ZNF48: variants seen among roughly 807,000 people sequenced by gnomAD.
ZNF48 encodes the protein zinc finger protein 553.
A neutral mutation model predicts 40.0 loss-of-function variants in ZNF48; 20 were observed. The ratio of observed to expected loss-of-function variants is 0.50; its 90% CI spans 0.35 to 0.73. The LOEUF (loss-of-function observed/expected upper bound fraction) is 0.73, where lower values mean the gene tolerates loss of function less well. ZNF48 is among the 30% of genes least tolerant of loss of function. The pLI is 0.01. For missense variants in ZNF48, 726 were observed against 851.9 expected, an observed-to-expected ratio of 0.85 and a Z score of 1.84; for synonymous variants, 298 against 329.7, an observed-to-expected ratio of 0.90 and a Z score of 1.04.
At position 30,397,733 on chromosome 16, in the gene ZNF48, T is replaced by C. The variant is rs2050001357; in HGVS notation, c.483T>C (p.Thr161=). The C allele has an allele frequency of 6.2e-7, 1 of 1,609,960 alleles. No individual in the cohort carries two copies. The highest frequency in any genetic ancestry group is 8.5e-7 in the Non-Finnish European group (1 of 1,179,070). The change falls in exon 3 of 3, where the codon ACT becomes ACC. Residue 161 remains threonine (T), a synonymous_variant. Coordinates refer to ENST00000613509, the MANE Select transcript of ZNF48 (RefSeq NM_001214909.2). This position sits in a 1 kb window ranked among gnomAD's most constrained non-coding sequence, Gnocchi z 4.1. ...CTGCCCGGATCAAACACCAGCGGAC[T>C]CATAGTGGGGAGAAGCCCTATAGAG... The part of the protein sequence containing the change: ...DSSARIKHQR[T]HSGEKPYRAR...
intron 1 of ZNF48, chr16:30,378,481 G>C (rs2049783192): frequency 3.2e-6 from 5 of 1,576,646 alleles, no homozygotes; most frequent in Non-Finnish European, 3.4e-6. Flanking sequence ...TGCTGCATTT[G>C]GGCCTGCATC....
intron 1 of ZNF48, among the ~76,000 whole-genome samples, chr16:30,383,879 A>G (rs2049878750): frequency 6.6e-6 from 1 of 152,136 alleles, no homozygotes; most frequent in Non-Finnish European, 1.5e-5. Context: ...GCCTCTATGC[A>G]ATCTCTCCAC....
chr16:30,396,001 G>A (rs767654425), intron 2 of ZNF48, 128 bp downstream of exon 2: 2 of 961,692 alleles, frequency 2.1e-6, no homozygotes, highest in Non-Finnish European at 2.8e-6. Context: ...TAGGGGGAGG[G>A]GAGCTTTCGG....
At chr16:30,385,932 T>G (rs2151113515) in intron 1 of ZNF48, among the ~76,000 whole-genome samples, 1 of 150,750 alleles carries the variant, frequency 6.6e-6, no homozygotes, top group East Asian at 2.0e-4. Context: ...TCAAGACCAG[T>G]CTGGTCAACA....
At position 30,397,798 on chromosome 16, in the gene ZNF48, C is replaced by T. The variant is rs991446930; in HGVS notation, c.548C>T (p.Ser183Phe). 1.5e-5 allele frequency: 25 copies of T among 1,613,606 alleles called. No individual in the cohort carries two copies. The highest frequency in any genetic ancestry group is 2.1e-5 in the Non-Finnish European group (25 of 1,179,958). The stretch of plus-strand genomic sequence containing the variant: ...CAGGGTCCCCCAAAGATTCCTCGGT[C>T]CCGGATCCCTGCTGGTGAGCGCCCC... ...PAQGPPKIPR[S>F]RIPAGERPTI... Residue 183 changes from serine (S) to phenylalanine (F), a missense_variant, in exon 3 of 3, where the codon TCC becomes TTC. Transcript: ENST00000613509. This position sits in a 1 kb window ranked among gnomAD's most constrained non-coding sequence, Gnocchi z 4.1.
chr16:30,396,137 A>T, intron 2 of ZNF48: 1 of 391,854 alleles, frequency 2.6e-6, no homozygotes. Context: ...TGGCAATTGC[A>T]GTAGCCTCCT....
In ZNF48 at chr16:30,398,266, G is replaced by C. The variant is rs777272646; in HGVS notation, c.1016G>C (p.Gly339Ala). 1.2e-6 allele frequency: 2 copies of C among 1,613,372 alleles called. No homozygotes were observed. Residue 339 changes from glycine to alanine, a missense_variant, in exon 3 of 3, where the codon GGT becomes GCT. By Grantham distance (60) the Gly-to-Ala change is moderately conservative. Transcript: ENST00000613509. This position sits in a 1 kb window ranked among gnomAD's most constrained non-coding sequence, Gnocchi z 6.6. Reference protein sequence around the residue: ...KPYLCPECGKGFADSSARVKH... With the variant: ...KPYLCPECGKAFADSSARVKH... ...TACCTCTGCCCAGAGTGCGGCAAAG[G>C]TTTCGCGGACAGCTCCGCCCGAGTC...
In ZNF48 at chr16:30,381,973, T is replaced by A; in HGVS notation, c.-16+3563T>A. The A allele has an allele frequency of 1.2e-6, 2 of 1,604,654 alleles. No individual in the cohort carries two copies. The highest frequency in any genetic ancestry group is 1.7e-6 in the Non-Finnish European group (2 of 1,174,090). ...AATATCACAGTTGCCTGCACCCATT[T>A]CCCAGGGGAGGAAAGTCTCAGAAAA... On this transcript the variant is annotated intron_variant, in intron 1 of 2. Transcript: ENST00000528032. This position sits in a 1 kb window ranked among gnomAD's most constrained non-coding sequence, Gnocchi z 4.3.
At chr16:30,380,557 C>T (rs962312032) in intron 1 of ZNF48, 2 of 159,946 alleles carry the variant, frequency 1.3e-5, no homozygotes, top group Non-Finnish European at 2.8e-5. Flanking sequence ...TGACCTCAGC[C>T]TCCCAAAGTG....
At chr16:30,390,006 A>G (rs1008031685) in intron 1 of ZNF48, among the ~76,000 whole-genome samples, 1 of 150,948 alleles carries the variant, frequency 6.6e-6, no homozygotes, top group African/African-American at 2.4e-5. Flanking sequence ...TTTTCTTTTT[A>G]GAGATGGGGT....
At position 30,398,347 on chromosome 16, in the gene ZNF48, G is replaced by C; in HGVS notation, c.1097G>C (p.Arg366Pro). The C allele has an allele frequency of 6.2e-7, 1 of 1,612,902 alleles. No individual in the cohort carries two copies. Among genetic ancestry groups the C allele is most frequent in the African/African-American group, 1.3e-5 (1 of 74,828 alleles). ...ERPHACPECD[R>P]TFSLSSTLLR... ...CCCCATGCCTGCCCGGAATGCGACC[G>C]TACCTTCAGCCTCAGCTCCACCCTT... Residue 366 changes from arginine to proline, a missense_variant, in exon 3 of 3, where the codon CGT (arginine) becomes CCT (proline). By Grantham distance (103) the Arg-to-Pro change is moderately radical. Transcript: ENST00000613509. The surrounding 1 kb of genome is among the most constrained non-coding windows in gnomAD (Gnocchi z 6.6).
intron 1 of ZNF48, among the ~76,000 whole-genome samples, chr16:30,387,877 A>G (rs1407179161): frequency 2.0e-5 from 3 of 151,918 alleles, no homozygotes; most frequent in Non-Finnish European, 2.9e-5. Context: ...GCCTATATAT[A>G]TGTATACACA....
upstream of ZNF48, among the ~76,000 whole-genome samples, chr16:30,390,547 T>A (rs1356720341): frequency 6.9e-6 from 1 of 145,502 alleles, no homozygotes; most frequent in Admixed American, 7.0e-5. Flanking sequence ...TAGCTGGGGC[T>A]ACAGGCACCT....
At chr16:30,387,189 C>T (rs574504564) in intron 1 of ZNF48, among the ~76,000 whole-genome samples, 4 of 148,498 alleles carry the variant, frequency 2.7e-5, no homozygotes, top group East Asian at 4.0e-4. Flanking sequence ...GTGATCCGCC[C>T]GCCTTGGCCT....
At chr16:30,390,598 CG>C (rs2049934612), upstream of ZNF48, among the ~76,000 whole-genome samples, 4 of 65,028 alleles carry the variant, frequency 6.2e-5, no homozygotes, top group Non-Finnish European at 1.3e-4. Context: ...TTAGTAGAGA[CG>C]GGTTTTTTTT....
At chr16:30,379,280 T>A in intron 1 of ZNF48, 1 of 1,517,946 alleles carries the variant, frequency 6.6e-7, no homozygotes, top group Non-Finnish European at 9.0e-7. Context: ...GCTGCCACTC[T>A]AGCGGAGGGT....
chr16:30,378,914 A>AGTGGTGAAGGCGGAGTCACGGGTG, intron 1 of ZNF48: 1 of 1,123,186 alleles, frequency 8.9e-7, no homozygotes, highest in Non-Finnish European at 1.3e-6. Context: ...GAGAAGTCTG[A>AGTGGTGAAGGCGGAGTCACGGGTG]GTGGTGAAGG....
At chr16:30,392,334 T>C (rs540405903), upstream of ZNF48, among the ~76,000 whole-genome samples, 89 of 152,220 alleles carry the variant, frequency 5.8e-4, no homozygotes, top group African/African-American at 1.8e-3. Flanking sequence ...TGTATCTTTT[T>C]AGAGATGGGT....
intron 1 of ZNF48, chr16:30,379,273 G>T: frequency 1.3e-6 from 2 of 1,539,598 alleles, no homozygotes; most frequent in Non-Finnish European, 1.8e-6. Flanking sequence ...AAGTCCTGCT[G>T]CCACTCTAGC....
Sources: allele counts gnomAD v4.1 joint callset (sites outside exome capture counted in the v4.1 genomes callset), GRCh38; gene constraint gnomAD v4.1.1; non-coding constraint Gnocchi (gnomAD v3.1); transcripts MANE v1.5; gene names NCBI Gene and HGNC (gene_info 2026-07-23, HGNC 2026-07-21).